The following LHFPL3 variants were observed in gnomAD, a reference collection of about 807,000 sequenced individuals.
The protein encoded by LHFPL3 is LHFPL tetraspan subfamily member 3, also known as LHFPL tetraspan subfamily member 3 protein.
Under a neutral mutation model 19.3 loss-of-function variants are expected in LHFPL3, and 5 were observed. That is an observed-to-expected ratio of 0.26 (90% CI 0.14 to 0.54). LHFPL3 has a LOEUF of 0.54. LHFPL3 is among the 20% of genes least tolerant of loss of function. The pLI is 0.94. For missense variants in LHFPL3, 249 were observed against 307.4 expected, an observed-to-expected ratio of 0.81 and a Z score of 1.42; for synonymous variants, 133 against 126.2, an observed-to-expected ratio of 1.05 and a Z score of -0.36.
Position 104,645,654 on chromosome 7 carries a change from C to CTTTTTTT in LHFPL3, c.446-91002_446-90996dup, listed in dbSNP as rs869151153. 1.8e-4 allele frequency among the ~76,000 whole-genome samples: 15 copies of CTTTTTTT among 81,618 alleles called. 1 individual carries two copies. The highest frequency in any genetic ancestry group is 2.3e-4 in the Non-Finnish European group (11 of 47,872). 53.5% of individuals were successfully genotyped at this position (81,618 alleles called of 152,430 possible). A position where few individuals can be genotyped will look rare whatever the true frequency, so the allele number is the denominator to read the frequency against. Reference sequence around the variant, plus strand: ...TGACATATTTGCTCTATTGGGTTTTCTTTTTTTTTTTTTTTTTTTTTTTTT... The same window carrying CTTTTTTT: ...TGACATATTTGCTCTATTGGGTTTTCTTTTTTTTTTTTTTTTTTTTTTTTTTTTTTTT... On this transcript the variant is annotated intron_variant, in intron 1 of 2. Coordinates refer to ENST00000424859, the MANE Select transcript of LHFPL3 (RefSeq NM_199000.3).
chr7:104,559,966 A>T (rs1789951741), intron 1 of LHFPL3, among the ~76,000 whole-genome samples: 1 of 150,374 alleles, frequency 6.7e-6, no homozygotes, highest in Non-Finnish European at 1.5e-5. Context: ...GGTTCTGTTT[A>T]TATGCTGGAT....
At chr7:104,725,591 C>G (rs1052852380) in intron 1 of LHFPL3, among the ~76,000 whole-genome samples, 3 of 151,992 alleles carry the variant, frequency 2.0e-5, no homozygotes, top group Admixed American at 6.6e-5. Flanking sequence ...TCTTCTGCAT[C>G]CTCCAAAATA....
chr7:104,608,209 C>T (rs1220346408), intron 1 of LHFPL3, among the ~76,000 whole-genome samples: 3 of 151,938 alleles, frequency 2.0e-5, no homozygotes, highest in Non-Finnish European at 2.9e-5. Context: ...ATGTTTATTG[C>T]AGCACTATTC....
At chr7:104,397,948 C>T (rs542555121) in intron 1 of LHFPL3, among the ~76,000 whole-genome samples, 84 of 152,238 alleles carry the variant, frequency 5.5e-4, no homozygotes, top group South Asian at 2.1e-3. Flanking sequence ...GCTTCAAATG[C>T]GCAGTTTCTC....
intron 2 of LHFPL3, among the ~76,000 whole-genome samples, chr7:104,865,943 T>G (rs1164627600): frequency 2.0e-5 from 3 of 152,172 alleles, no homozygotes; most frequent in African/African-American, 7.2e-5. Flanking sequence ...AGAAAAGAAT[T>G]TTCAACCCAG....
intron 1 of LHFPL3, among the ~76,000 whole-genome samples, chr7:104,623,546 C>T (rs1189635344): frequency 8.7e-6 from 1 of 114,860 alleles, no homozygotes; most frequent in Non-Finnish European, 2.0e-5. Context: ...AGGAGAATCG[C>T]TTGAGCCTGG....
chr7:104,447,680 T>G (rs1792355607), intron 1 of LHFPL3, among the ~76,000 whole-genome samples: 1 of 152,166 alleles, frequency 6.6e-6, no homozygotes, highest in South Asian at 2.1e-4. Context: ...CTTACCTTTT[T>G]GACTTCTGTG....
intron 1 of LHFPL3, among the ~76,000 whole-genome samples, chr7:104,441,933 G>A (rs1471518193): frequency 1.3e-5 from 2 of 152,074 alleles, no homozygotes; most frequent in African/African-American, 4.8e-5. Flanking sequence ...TGGAACATAC[G>A]TCAGTTATAT....
chr7:104,736,490 C>T (rs1243641008), intron 1 of LHFPL3, among the ~76,000 whole-genome samples, 185 bp from the exon 2 acceptor site: 5 of 148,510 alleles, frequency 3.4e-5, no homozygotes, highest in African/African-American at 5.1e-5. Context: ...AACACACACA[C>T]GTGCACGTTT....
chr7:104,430,433 T>TATATACATGTATATATATATATATACAC (rs1562895279), intron 1 of LHFPL3, among the ~76,000 whole-genome samples: 1 of 13,684 alleles, frequency 7.3e-5, no homozygotes, highest in African/African-American at 2.6e-4. Flanking sequence ...TATATATATA[T>TATATACATGTATATATATATATATACAC]ATATATATAT....
At chr7:104,411,985 A>G (rs1329199279) in intron 1 of LHFPL3, among the ~76,000 whole-genome samples, 1 of 152,174 alleles carries the variant, frequency 6.6e-6, no homozygotes, top group East Asian at 1.9e-4. Context: ...CTTTATTACC[A>G]AGCTTCAAGA....
At chr7:104,480,699 T>C (rs1449627223) in intron 1 of LHFPL3, among the ~76,000 whole-genome samples, 5 of 152,318 alleles carry the variant, frequency 3.3e-5, no homozygotes, top group African/African-American at 1.2e-4. Context: ...ACTATTGTTC[T>C]ATACACAGTG....
At chr7:104,658,590 C>T (rs1471772354) in intron 1 of LHFPL3, among the ~76,000 whole-genome samples, 1 of 152,114 alleles carries the variant, frequency 6.6e-6, no homozygotes, top group African/African-American at 2.4e-5. Flanking sequence ...CACTTGAGGG[C>T]AGAAGTTTGA....
chr7:104,645,105 G>A (rs922573770), intron 1 of LHFPL3, among the ~76,000 whole-genome samples: 2 of 152,084 alleles, frequency 1.3e-5, no homozygotes, highest in South Asian at 2.1e-4. Flanking sequence ...TCTTCATATC[G>A]CTTTGCCTGT....
chr7:104,529,425 A>G (rs999751228), intron 1 of LHFPL3, among the ~76,000 whole-genome samples: 18 of 152,210 alleles, frequency 1.2e-4, no homozygotes, highest in African/African-American at 4.3e-4. Context: ...TGAGTGCATG[A>G]CTGTGCCGTT....
chr7:104,826,724 G>T, intron 2 of LHFPL3: 1 of 155,830 alleles, frequency 6.4e-6, no homozygotes. Flanking sequence ...TTATGGAAGG[G>T]AGGAAACAGC....
chr7:104,470,061 C>G (rs766681373), intron 1 of LHFPL3: 1 of 455,930 alleles, frequency 2.2e-6, no homozygotes, highest in Non-Finnish European at 4.4e-6. Flanking sequence ...GTGCTTCATT[C>G]TGAATGGAAA....
At chr7:104,864,310 C>A (rs569940081) in intron 2 of LHFPL3, among the ~76,000 whole-genome samples, 15 of 152,140 alleles carry the variant, frequency 9.9e-5, no homozygotes, top group African/African-American at 3.4e-4. Flanking sequence ...CAAAGCAGGG[C>A]GAGGCATTGC....
chr7:104,635,119 T>C (rs974970562), intron 1 of LHFPL3, among the ~76,000 whole-genome samples: 1 of 152,088 alleles, frequency 6.6e-6, no homozygotes, highest in Non-Finnish European at 1.5e-5. Context: ...AAATTTCTTT[T>C]CAATAGAAGG....
Sources: gnomAD v4.1 joint callset for allele counts (sites outside exome capture counted in the v4.1 genomes callset) on GRCh38, gnomAD v4.1.1 for gene constraint, MANE v1.5 for transcripts, NCBI Gene and HGNC (gene_info 2026-07-23, HGNC 2026-07-21) for gene names.